MIPOL1: variants seen among roughly 807,000 people sequenced by gnomAD.
MIPOL1 encodes mirror-image polydactyly gene 1 protein.
In MIPOL1, 57 loss-of-function variants were observed where a neutral mutation model predicts 60.9. The ratio of observed to expected loss-of-function variants is 0.94; its 90% CI spans 0.76 to 1.17. The LOEUF (loss-of-function observed/expected upper bound fraction) is 1.17. Among genes scored for constraint, MIPOL1 ranks in the 50% most tolerant of loss-of-function variants. The pLI is 0.00. For synonymous variants in MIPOL1, 179 were observed against 168.8 expected, an observed-to-expected ratio of 1.06 and a Z score of -0.47; for missense variants, 551 against 511.6, an observed-to-expected ratio of 1.08 and a Z score of -0.74.
intron 9 of MIPOL1, among the ~76,000 whole-genome samples, chr14:37,356,752 C>T (rs183465716): frequency 3.9e-5 from 6 of 152,160 alleles, no homozygotes; most frequent in Admixed American, 1.3e-4. Context: ...GGCAATGCCT[C>T]GCCCTGCTTC....
intron 9 of MIPOL1, among the ~76,000 whole-genome samples, chr14:37,362,383 A>C (rs1044470378): frequency 6.6e-6 from 1 of 152,148 alleles, no homozygotes; most frequent in Non-Finnish European, 1.5e-5. Flanking sequence ...GTTTGGCTGG[A>C]TATGAAATTC....
intron 11 of MIPOL1, among the ~76,000 whole-genome samples, chr14:37,438,534 G>C (rs1416519971): frequency 1.3e-5 from 2 of 152,182 alleles, no homozygotes; most frequent in African/African-American, 2.4e-5. Context: ...TTTGCTACTG[G>C]ACCCCTTCCT....
intron 11 of MIPOL1, among the ~76,000 whole-genome samples, chr14:37,454,532 G>A (rs2094456235): frequency 6.6e-6 from 1 of 152,130 alleles, no homozygotes; most frequent in Non-Finnish European, 1.5e-5. Flanking sequence ...TTTCCCCAAA[G>A]TCATAGTGAT....
intron 12 of MIPOL1, among the ~76,000 whole-genome samples, chr14:37,530,233 T>C (rs1449109098): frequency 6.6e-6 from 1 of 152,084 alleles, no homozygotes; most frequent in Non-Finnish European, 1.5e-5. Flanking sequence ...GCATAAGAGA[T>C]AGGAAAAACA....
At chr14:37,327,575 G>A (rs560234489) in intron 9 of MIPOL1, among the ~76,000 whole-genome samples, 62 of 152,246 alleles carry the variant, frequency 4.1e-4, no homozygotes, top group Non-Finnish European at 6.5e-4. Flanking sequence ...GTGAGCCATC[G>A]TGCCTGGCCA....
At chr14:37,366,119 T>A (rs2092461772) in intron 9 of MIPOL1, among the ~76,000 whole-genome samples, 1 of 151,986 alleles carries the variant, frequency 6.6e-6, no homozygotes. Flanking sequence ...TGGCTTTTGT[T>A]ATATTGATCT....
chr14:37,384,936 T>C (rs1230207522), intron 10 of MIPOL1, among the ~76,000 whole-genome samples: 1 of 152,012 alleles, frequency 6.6e-6, no homozygotes, highest in Non-Finnish European at 1.5e-5. Flanking sequence ...TTACTTTCTG[T>C]CTTCTATTTT....
At position 37,316,028 on chromosome 14, in the gene MIPOL1, AAT is replaced by A. The variant is rs1491403735; in HGVS notation, c.828+7510_828+7511del. Among the ~76,000 whole-genome samples, 9 of 21,536 alleles carry A rather than the reference AAT, an allele frequency of 4.2e-4. No individual in the cohort carries two copies. The South Asian group carries it at 0.022, about 53-fold the overall frequency. The allele number at this position is 21,536 out of a possible 152,430, so 14.1% of individuals were successfully genotyped here. A position where few individuals can be genotyped will look rare whatever the true frequency, so the allele number is the denominator to read the frequency against. On this transcript the variant is annotated intron_variant, in intron 9 of 12. Transcript: ENST00000684589. Reference sequence around the variant, plus strand: ...ATTGTTTCTGTTTATTTATTTATTTAATTTTTTTTTTTTTTTGAGACCGAATC... The same window carrying A: ...ATTGTTTCTGTTTATTTATTTATTTATTTTTTTTTTTTTTGAGACCGAATC...
At chr14:37,253,202 A>G (rs1015786550) in intron 3 of MIPOL1, among the ~76,000 whole-genome samples, 1 of 151,878 alleles carries the variant, frequency 6.6e-6, no homozygotes, top group African/African-American at 2.4e-5. Flanking sequence ...ACTTTTAATA[A>G]TGTCAGTAAA....
At chr14:37,251,140 A>C (rs1974021023) in intron 3 of MIPOL1, among the ~76,000 whole-genome samples, 1 of 152,108 alleles carries the variant, frequency 6.6e-6, no homozygotes, top group African/African-American at 2.4e-5. Context: ...GGCCCACTGT[A>C]ACCATGAATT....
intron 7 of MIPOL1, among the ~76,000 whole-genome samples, chr14:37,303,329 T>C (rs995331809): frequency 1.3e-5 from 2 of 151,956 alleles, no homozygotes; most frequent in South Asian, 2.1e-4. Flanking sequence ...ATGAAACTTA[T>C]TAATTCATTC....
At chr14:37,321,056 G>C (rs955619211) in intron 9 of MIPOL1, among the ~76,000 whole-genome samples, 7 of 151,998 alleles carry the variant, frequency 4.6e-5, no homozygotes, top group African/African-American at 1.7e-4. Flanking sequence ...ATGTTCTTCA[G>C]TATTTCTGCA....
At chr14:37,444,876 CG>C (rs1566616489) in intron 11 of MIPOL1, among the ~76,000 whole-genome samples, 2 of 152,122 alleles carry the variant, frequency 1.3e-5, no homozygotes, top group East Asian at 1.9e-4. Flanking sequence ...AATTCAACAA[CG>C]CTTCATGCTA....
At chr14:37,255,000 A>G (rs1248232967) in intron 3 of MIPOL1, among the ~76,000 whole-genome samples, 1 of 151,840 alleles carries the variant, frequency 6.6e-6, no homozygotes, top group Non-Finnish European at 1.5e-5. Flanking sequence ...TCTTTGAAAT[A>G]GAAAACAATG....
chr14:37,530,637 G>C (rs1472494453), intron 12 of MIPOL1, among the ~76,000 whole-genome samples: 7 of 152,130 alleles, frequency 4.6e-5, no homozygotes, highest in African/African-American at 1.4e-4. Context: ...AGATAGGCCA[G>C]ATGTCAAGGC....
chr14:37,494,399 G>C (rs1335438558), intron 11 of MIPOL1, among the ~76,000 whole-genome samples: 1 of 152,168 alleles, frequency 6.6e-6, no homozygotes, highest in African/African-American at 2.4e-5. Context: ...ATCTAAGAAA[G>C]TGATATTTTT....
intron 11 of MIPOL1, among the ~76,000 whole-genome samples, chr14:37,478,612 A>G (rs2094814000): frequency 6.6e-6 from 1 of 152,108 alleles, no homozygotes. Context: ...TTTAAAGAGG[A>G]CATAGAGTGG....
intron 3 of MIPOL1, among the ~76,000 whole-genome samples, chr14:37,254,911 A>C (rs1974687191): frequency 1.3e-5 from 2 of 151,704 alleles, no homozygotes; most frequent in Non-Finnish European, 1.5e-5. Flanking sequence ...CTGTTTCTTT[A>C]GGTTAAGGAA....
At chr14:37,455,260 A>G (rs144729452) in intron 11 of MIPOL1, among the ~76,000 whole-genome samples, 209 of 152,294 alleles carry the variant, frequency 1.4e-3, no homozygotes, top group African/African-American at 4.9e-3. Context: ...TTCTCTTTTA[A>G]TCGTTAATAC....
Sources: allele counts gnomAD v4.1 joint callset (sites outside exome capture counted in the v4.1 genomes callset), GRCh38; gene constraint gnomAD v4.1.1; transcripts MANE v1.5; gene names NCBI Gene and HGNC (gene_info 2026-07-23, HGNC 2026-07-21).